The following SDK2 variants were observed in gnomAD, a reference collection of about 807,000 sequenced individuals.
SDK2 encodes the protein protein sidekick-2.
In SDK2, 105 loss-of-function variants were observed where a neutral mutation model predicts 253.9. The observed-to-expected ratio is 0.41, with a 90% CI of 0.35 to 0.49. The LOEUF (loss-of-function observed/expected upper bound fraction) is 0.49. Among genes scored for constraint, SDK2 ranks in the 20% least tolerant of loss-of-function variants. The pLI is 0.06. For synonymous variants in SDK2, 1,249 were observed against 1,234.9 expected, an observed-to-expected ratio of 1.01 and a Z score of -0.24; for missense variants, 2,608 against 3,003.0, an observed-to-expected ratio of 0.87 and a Z score of 3.07.
intron 41 of SDK2, among the ~76,000 whole-genome samples, chr17:73,351,421 T>C (rs758380965): frequency 1.3e-5 from 2 of 152,160 alleles, no homozygotes; most frequent in Non-Finnish European, 2.9e-5. Context: ...CTTTTCTTTT[T>C]TTCTTTTGTA....
intron 18 of SDK2, among the ~76,000 whole-genome samples, chr17:73,413,214 GC>G (rs2063153979): frequency 6.6e-6 from 1 of 151,966 alleles, no homozygotes; most frequent in Admixed American, 6.6e-5. Context: ...CGTGAACCCT[GC>G]TGTGAACTGT....
Position 73,566,321 on chromosome 17 carries a change from G to A in SDK2, c.65-58724C>T, listed in dbSNP as rs796211098. Reference sequence around the variant, plus strand: ...CCAAATAAAATTCTTATATATATATGTGTGTGTGTGTGTGTGTGTGTGTGT... The same window carrying A: ...CCAAATAAAATTCTTATATATATATATGTGTGTGTGTGTGTGTGTGTGTGT... On this transcript the variant is annotated intron_variant, in intron 1 of 44. Coordinates refer to ENST00000392650, the MANE Select transcript of SDK2 (RefSeq NM_001144952.2). Among the ~76,000 whole-genome samples, 10 of 141,512 alleles carry A rather than the reference G, an allele frequency of 7.1e-5. No homozygotes were observed. The East Asian group carries it at 9.2e-4, about 13-fold the overall frequency. 92.8% of individuals were successfully genotyped at this position (141,512 alleles called of 152,430 possible). A position where few individuals can be genotyped will look rare whatever the true frequency, so the allele number is the denominator to read the frequency against.
chr17:73,389,680 G>A (rs1415975348), intron 29 of SDK2, among the ~76,000 whole-genome samples: 8 of 152,182 alleles, frequency 5.3e-5, no homozygotes, highest in African/African-American at 1.2e-4. Context: ...CTGATCCTGC[G>A]CCCATCTGTG....
At position 73,465,675 on chromosome 17, in the gene SDK2, T is replaced by C. The variant is rs978967694; in HGVS notation, c.331+6437A>G. On this transcript the variant is annotated intron_variant, in intron 3 of 44. Coordinates refer to ENST00000392650, the MANE Select transcript of SDK2 (RefSeq NM_001144952.2). The surrounding 1 kb of genome is among the most constrained non-coding windows in gnomAD (Gnocchi z 4.2). ...ATTAAAAACATGTAAAGAATCCTTT[T>C]TTAACGACTTTGCCATTATCATTAG... 2.0e-5 allele frequency among the ~76,000 whole-genome samples: 3 copies of C among 152,214 alleles called. No homozygotes were observed. The highest frequency in any genetic ancestry group is 4.4e-5 in the Non-Finnish European group (3 of 68,048).
At chr17:73,630,326 C>T (rs1432502783) in intron 1 of SDK2, among the ~76,000 whole-genome samples, 1 of 152,118 alleles carries the variant, frequency 6.6e-6, no homozygotes, top group African/African-American at 2.4e-5. Context: ...TAACAGGTCC[C>T]CAAATGGTGC....
At chr17:73,531,508 AAC>A (rs1310240737) in intron 1 of SDK2, among the ~76,000 whole-genome samples, 1 of 152,060 alleles carries the variant, frequency 6.6e-6, no homozygotes, top group Non-Finnish European at 1.5e-5. Flanking sequence ...ATATTTTCTG[AAC>A]TAACAAATTA....
chr17:73,521,180 C>T (rs748392223), intron 1 of SDK2: 2 of 151,658 alleles, frequency 1.3e-5, no homozygotes, highest in African/African-American at 2.4e-5. Flanking sequence ...CCTGGGACCA[C>T]AGGCGCGTGC....
At chr17:73,591,199 T>C (rs369844583) in intron 1 of SDK2, among the ~76,000 whole-genome samples, 1 of 152,210 alleles carries the variant, frequency 6.6e-6, no homozygotes, top group South Asian at 2.1e-4. Flanking sequence ...ATTACAGGTG[T>C]GAGCCACCGC....
chr17:73,622,609 A>G (rs920088640), intron 1 of SDK2, among the ~76,000 whole-genome samples: 5 of 152,122 alleles, frequency 3.3e-5, no homozygotes, highest in African/African-American at 1.2e-4. Context: ...ACTTGGAGTG[A>G]TTTGCAAAGG....
chr17:73,368,676 G>A, intron 36 of SDK2, 83 bp from the exon 37 acceptor site: 1 of 1,219,450 alleles, frequency 8.2e-7, no homozygotes, highest in Non-Finnish European at 1.1e-6. Context: ...TAGTCTCAGA[G>A]ACACCTTCAT....
chr17:73,411,402 T>C (rs2063124787), intron 18 of SDK2, among the ~76,000 whole-genome samples: 1 of 152,186 alleles, frequency 6.6e-6, no homozygotes, highest in Admixed American at 6.5e-5. Flanking sequence ...TGCAGGAACC[T>C]TCGGGATGTG....
intron 5 of SDK2, among the ~76,000 whole-genome samples, chr17:73,446,513 A>G (rs1216573612): frequency 6.6e-6 from 1 of 152,172 alleles, no homozygotes; most frequent in East Asian, 1.9e-4. Flanking sequence ...TTCCTGCTGA[A>G]GTGTGAAAGG....
chr17:73,569,047 GTTGTT>G (rs1241501742), intron 1 of SDK2, among the ~76,000 whole-genome samples: 1 of 152,156 alleles, frequency 6.6e-6, no homozygotes, highest in Admixed American at 6.5e-5. Flanking sequence ...CTGTCTCCAA[GTTGTT>G]TTATTATTAA....
In SDK2 at chr17:73,467,866, G is replaced by A. The variant is rs1015946369; in HGVS notation, c.331+4246C>T. 7.9e-5 allele frequency among the ~76,000 whole-genome samples: 12 copies of A among 152,198 alleles called. No homozygotes were observed. The highest frequency in any genetic ancestry group is 1.9e-4 in the East Asian group (1 of 5,188). On this transcript the variant is annotated intron_variant, in intron 3 of 44. Transcript: ENST00000392650. The surrounding 1 kb of genome is among the most constrained non-coding windows in gnomAD (Gnocchi z 4.1). ...ACAGTAGCAGATGCAGCTTCCCAGC[G>A]CTGGTTTCAGGGAGCTGCAGCTGGT...
chr17:73,342,075 A>G (rs1599465205), intron 44 of SDK2, among the ~76,000 whole-genome samples: 1 of 152,138 alleles, frequency 6.6e-6, no homozygotes, highest in East Asian at 1.9e-4. Flanking sequence ...GATGGGAACG[A>G]GAGCTCCCCC....
Position 73,379,607 on chromosome 17 carries a change from G to A in SDK2, c.4763-58C>T, listed in dbSNP as rs2062814041. ...TGAGGTCACCGTCATTGCTGGGAAG[G>A]TGTCCCCAGGGAGGGTGGAGGCTGC... On this transcript the variant is annotated intron_variant, in intron 34 of 44. Coordinates refer to ENST00000392650, the MANE Select transcript of SDK2 (RefSeq NM_001144952.2). The surrounding 1 kb of genome is among the most constrained non-coding windows in gnomAD (Gnocchi z 4.5). The A allele has an allele frequency of 9.2e-7, 1 of 1,081,764 alleles. No homozygotes were observed. The highest frequency in any genetic ancestry group is 1.4e-6 in the Non-Finnish European group (1 of 720,934). The allele number at this position is 1,081,764 out of a possible 1,614,324, so 67.0% of individuals were successfully genotyped here.
chr17:73,415,506 A>G (rs8071252), intron 17 of SDK2, among the ~76,000 whole-genome samples: 151,689 of 152,060 alleles, frequency 1, 75,661 homozygotes, highest in Middle Eastern at 1. Context: ...CCACCACACC[A>G]AGCTAGTTCT....
At chr17:73,407,229 G>A in intron 18 of SDK2, among the ~76,000 whole-genome samples, 1 of 152,174 alleles carries the variant, frequency 6.6e-6, no homozygotes, top group East Asian at 1.9e-4. Context: ...AGAAATGGCC[G>A]ATGCCTGGCA....
chr17:73,461,362 C>T (rs1264526348), intron 3 of SDK2, among the ~76,000 whole-genome samples: 1 of 152,218 alleles, frequency 6.6e-6, no homozygotes, highest in Non-Finnish European at 1.5e-5. Flanking sequence ...AGTAAATCAA[C>T]CCAAAAGCAA....
Sources: gnomAD v4.1 joint callset for allele counts (sites outside exome capture counted in the v4.1 genomes callset) on GRCh38, gnomAD v4.1.1 for gene constraint, Gnocchi (gnomAD v3.1) non-coding constraint, MANE v1.5 for transcripts, NCBI Gene and HGNC (gene_info 2026-07-23, HGNC 2026-07-21) for gene names.